The following UMAD1 variants were observed in gnomAD, a reference collection of about 807,000 sequenced individuals.
UMAD1 encodes the protein UBAP1-MVB12-associated (UMA)-domain containing protein 1.
UMAD1 carries 8 observed loss-of-function variants against 6.1 expected under a neutral mutation model. That is an observed-to-expected ratio of 1.30 (90% CI 0.76 to 2.35). The LOEUF (loss-of-function observed/expected upper bound fraction) is 2.35. UMAD1 is among the 30% of genes most tolerant of loss of function. The pLI is 0.00. For missense variants in UMAD1, 130 were observed against 78.4 expected (o/e 1.66, Z -2.49); for synonymous variants, 56 against 31.4 (o/e 1.78, Z -2.61).
At chr7:7,704,518 A>C (rs1475162938) in intron 2 of UMAD1, among the ~76,000 whole-genome samples, 4 of 150,908 alleles carry the variant, frequency 2.7e-5, no homozygotes, top group African/African-American at 9.8e-5. Flanking sequence ...CACTTTGGGA[A>C]GCCGAGGTGG....
chr7:7,852,615 C>T (rs186220424), intron 3 of UMAD1, among the ~76,000 whole-genome samples: 35 of 152,258 alleles, frequency 2.3e-4, no homozygotes, highest in Admixed American at 2.2e-3. Flanking sequence ...AATAAGCAGC[C>T]AGATGAAGAG....
intron 2 of UMAD1, chr7:7,676,024 T>G: frequency 2.5e-6 from 1 of 397,372 alleles, no homozygotes. Context: ...ATGGTATCAG[T>G]CAGCATCATG....
chr7:7,726,349 A>T (rs1404762924), intron 2 of UMAD1, among the ~76,000 whole-genome samples: 1 of 152,260 alleles, frequency 6.6e-6, no homozygotes, highest in Non-Finnish European at 1.5e-5. Context: ...GAAGTGCAGC[A>T]GTGAGCTCAT....
At chr7:7,801,034 A>T (rs752242724) in intron 2 of UMAD1, among the ~76,000 whole-genome samples, 5 of 152,258 alleles carry the variant, frequency 3.3e-5, no homozygotes, top group African/African-American at 4.8e-5. Flanking sequence ...AATTCTGCTT[A>T]TACTTACCCA....
intron 1 of UMAD1, among the ~76,000 whole-genome samples, chr7:7,653,046 T>A (rs1785259345): frequency 2.0e-5 from 3 of 152,266 alleles, no homozygotes; most frequent in African/African-American, 7.2e-5. Context: ...ATCCCATGAC[T>A]TAATTCTCCC....
At chr7:7,742,378 C>T in intron 2 of UMAD1, 1 of 590,758 alleles carries the variant, frequency 1.7e-6, no homozygotes, top group Non-Finnish European at 3.3e-6. Context: ...GATATCTGGG[C>T]TGCCTCCGGA....
chr7:7,801,632 G>A, intron 2 of UMAD1, 38 bp from the exon 3 acceptor site: 1 of 710,386 alleles, frequency 1.4e-6, no homozygotes, highest in Middle Eastern at 2.3e-4. Context: ...CAGTAATATG[G>A]TCAAGTTTTA....
intron 3 of UMAD1, among the ~76,000 whole-genome samples, chr7:7,815,629 A>G (rs897739661): frequency 6.6e-6 from 1 of 152,192 alleles, no homozygotes; most frequent in Non-Finnish European, 1.5e-5. Context: ...TTTTCCAGGA[A>G]GCAGGAAGGA....
At chr7:7,800,627 A>G (rs2115273606) in intron 2 of UMAD1, among the ~76,000 whole-genome samples, 1 of 152,190 alleles carries the variant, frequency 6.6e-6, no homozygotes, top group East Asian at 1.9e-4. Context: ...AGTCTAATGT[A>G]TCATTCTTAT....
chr7:7,852,574 G>A (rs1018568276), intron 3 of UMAD1, among the ~76,000 whole-genome samples: 7 of 152,136 alleles, frequency 4.6e-5, no homozygotes, highest in African/African-American at 1.7e-4. Flanking sequence ...CATGTTTACT[G>A]ATTATTACAA....
chr7:7,866,814 T>C (rs544740412), intron 3 of UMAD1, among the ~76,000 whole-genome samples: 1 of 152,270 alleles, frequency 6.6e-6, no homozygotes, highest in South Asian at 2.1e-4. Context: ...AGGAAGAGAA[T>C]GTGTTTTATA....
chr7:7,721,229 C>T (rs1428648027), intron 2 of UMAD1, among the ~76,000 whole-genome samples: 2 of 152,172 alleles, frequency 1.3e-5, no homozygotes, highest in African/African-American at 4.8e-5. Flanking sequence ...TTGTGTTAAG[C>T]CACCACGTTT....
intron 3 of UMAD1, among the ~76,000 whole-genome samples, chr7:7,804,893 A>G (rs1162204293): frequency 6.6e-6 from 1 of 152,028 alleles, no homozygotes; most frequent in African/African-American, 2.4e-5. Context: ...AGGCAGGAGA[A>G]TTGCTTGAAC....
At chr7:7,748,776 A>C (rs1004359665) in intron 2 of UMAD1, among the ~76,000 whole-genome samples, 1 of 151,808 alleles carries the variant, frequency 6.6e-6, no homozygotes, top group Non-Finnish European at 1.5e-5. Context: ...TATATATAAA[A>C]ATTTAAAAAA....
At chr7:7,845,905 G>A (rs1286049814) in intron 3 of UMAD1, among the ~76,000 whole-genome samples, 1 of 152,004 alleles carries the variant, frequency 6.6e-6, no homozygotes, top group African/African-American at 2.4e-5. Context: ...TAAGAATAAG[G>A]CCTCCAGGCT....
At chr7:7,838,093 G>A (rs1035524596) in intron 3 of UMAD1, among the ~76,000 whole-genome samples, 6 of 152,278 alleles carry the variant, frequency 3.9e-5, no homozygotes, top group African/African-American at 1.2e-4. Flanking sequence ...AGAATTGGAG[G>A]TTGGAATCTA....
intron 3 of UMAD1, among the ~76,000 whole-genome samples, chr7:7,812,825 T>G (rs1783047246): frequency 6.6e-6 from 1 of 151,516 alleles, no homozygotes; most frequent in South Asian, 2.1e-4. Context: ...TCAAATTCTG[T>G]TTTTTAATTA....
chr7:7,787,578 C>G (rs1044532324), intron 2 of UMAD1, among the ~76,000 whole-genome samples: 1 of 152,078 alleles, frequency 6.6e-6, no homozygotes, highest in Non-Finnish European at 1.5e-5. Flanking sequence ...TGTTATTTAC[C>G]TCAAACTCCA....
At chr7:7,652,809 C>G (rs886723) in intron 1 of UMAD1, among the ~76,000 whole-genome samples, 141,959 of 152,318 alleles carry the variant, frequency 0.93, 66,234 homozygotes, top group African/African-American at 0.98. Flanking sequence ...AGTAAGCCTT[C>G]TGATGATGCA....
Sources: gnomAD v4.1 joint callset for allele counts (sites outside exome capture counted in the v4.1 genomes callset) on GRCh38, gnomAD v4.1.1 for gene constraint, MANE v1.5 for transcripts, NCBI Gene and HGNC (gene_info 2026-07-23, HGNC 2026-07-21) for gene names.